KIAA0586: variants seen among roughly 807,000 people sequenced by gnomAD.
KIAA0586 encodes KIAA0586, also known as protein TALPID3.
A neutral mutation model predicts 169.8 loss-of-function variants in KIAA0586; 144 were observed. The ratio of observed to expected loss-of-function variants is 0.85; its 90% CI spans 0.74 to 0.97. The LOEUF (loss-of-function observed/expected upper bound fraction) is 0.97. Among genes scored for constraint, KIAA0586 ranks in the 50% least tolerant of loss-of-function variants. KIAA0586 has a pLI of 0.00. For synonymous variants in KIAA0586, 625 were observed against 612.4 expected (o/e 1.02, Z -0.30); for missense variants, 1,854 against 1,823.0 (o/e 1.02, Z -0.31).
intron 20 of KIAA0586, among the ~76,000 whole-genome samples, chr14:58,479,136 A>G (rs921470358): frequency 2.3e-4 from 35 of 152,230 alleles, no homozygotes; most frequent in African/African-American, 7.7e-4. Flanking sequence ...TTTGCATTCC[A>G]CCCAGCAGTG....
rs757393939 is a variant in KIAA0586 at position 58,492,251 on chromosome 14, C to T, written c.3966C>T (p.Ser1322=). Residue 1322 remains serine (S), a synonymous_variant, in exon 26 of 31, where the codon TCC becomes TCT. Transcript: ENST00000652326. ...FAKQNQESAV[S]QQAVYHSEDL... ...AACAAAACCAGGAGTCAGCAGTTTC[C>T]CAGCAAGCAGTCTATCATTCAGAGG... The T allele has an allele frequency of 3.2e-6, 5 of 1,550,846 alleles. No individual in the cohort carries two copies. Among genetic ancestry groups the T allele is most frequent in the Non-Finnish European group, 4.4e-6 (5 of 1,146,816 alleles).
chr14:58,440,114 C>T (rs1408145049), intron 4 of KIAA0586: 3 of 398,510 alleles, frequency 7.5e-6, no homozygotes, highest in Non-Finnish European at 1.5e-5. Flanking sequence ...AACTCCTGGG[C>T]TCAAGCAGTC....
chr14:58,458,073 T>G (rs2140848279), intron 11 of KIAA0586, 94 bp downstream of exon 11: 1 of 798,774 alleles, frequency 1.3e-6, no homozygotes, highest in East Asian at 2.7e-5. Flanking sequence ...CCTATTAGTT[T>G]TCATATTTTT....
rs1232387802 is a variant in KIAA0586, at chr14:58,498,835, C to T, written c.4043C>T (p.Thr1348Ile). ...ELSEGQRPQL[T>I]AAAENILMGH... The stretch of plus-strand genomic sequence containing the variant: ...AGTGAAGGACAAAGACCCCAGCTAA[C>T]AGCGGCAGCAGAGAACATCTTAATG... Residue 1348 changes from threonine (T) to isoleucine (I), a missense_variant, in exon 27 of 31, where the codon ACA becomes ATA. Physicochemically the swap from Thr to Ile is moderately conservative, Grantham distance 89. Coordinates refer to ENST00000652326, the MANE Select transcript of KIAA0586 (RefSeq NM_001329943.3). 1.9e-6 allele frequency: 3 copies of T among 1,611,604 alleles called. No homozygotes were observed. In the Admixed American group the frequency reaches 5.0e-5, roughly 27 times the overall value.
intron 9 of KIAA0586, among the ~76,000 whole-genome samples, chr14:58,456,469 G>T (rs2039859707): frequency 6.6e-6 from 1 of 152,086 alleles, no homozygotes. Flanking sequence ...CTCCTTTTCT[G>T]CTACATCTAA....
intron 17 of KIAA0586, among the ~76,000 whole-genome samples, chr14:58,471,013 G>A (rs1025722152): frequency 7.2e-5 from 11 of 151,978 alleles, no homozygotes; most frequent in South Asian, 2.1e-4. Flanking sequence ...CACCACGCCC[G>A]GCTAATTTTT....
chr14:58,545,031 G>T (rs1208574202), intron 30 of KIAA0586, among the ~76,000 whole-genome samples: 3 of 152,192 alleles, frequency 2.0e-5, no homozygotes, highest in Non-Finnish European at 4.4e-5. Flanking sequence ...CCTCTACTAG[G>T]TGATGAACTT....
intron 29 of KIAA0586, among the ~76,000 whole-genome samples, chr14:58,529,173 A>T (rs778154221): frequency 6.6e-6 from 1 of 152,220 alleles, no homozygotes; most frequent in Non-Finnish European, 1.5e-5. Flanking sequence ...CGAATCCCTG[A>T]ATAGATCAAT....
At chr14:58,443,919 A>G in intron 5 of KIAA0586, 35 bp from the exon 6 acceptor site, 1 of 1,286,618 alleles carries the variant, frequency 7.8e-7, no homozygotes, top group Non-Finnish European at 1.1e-6. Context: ...GGTATCCTAT[A>G]ATGTGAATTT....
intron 28 of KIAA0586, among the ~76,000 whole-genome samples, chr14:58,511,306 A>G (rs1227973514): frequency 3.3e-5 from 5 of 152,232 alleles, no homozygotes; most frequent in African/African-American, 9.6e-5. Context: ...GCACACATTT[A>G]TAGTGCTAGA....
chr14:58,433,404 G>A (rs967700977), intron 4 of KIAA0586: 4 of 152,014 alleles, frequency 2.6e-5, no homozygotes, highest in African/African-American at 7.3e-5. Flanking sequence ...CCCTTATTTC[G>A]TTTTTCTTAT....
intron 29 of KIAA0586, among the ~76,000 whole-genome samples, chr14:58,533,868 C>T (rs542311946): frequency 1.3e-5 from 2 of 152,208 alleles, no homozygotes; most frequent in East Asian, 3.9e-4. Context: ...ATCTTTAAAG[C>T]TCTTATTTTA....
chr14:58,458,576 T>C, intron 12 of KIAA0586, 31 bp downstream of exon 12: 2 of 1,230,876 alleles, frequency 1.6e-6, no homozygotes, highest in Non-Finnish European at 2.3e-6. Flanking sequence ...GAAAATTAAG[T>C]GAATTCTCAG....
chr14:58,472,744 G>A (rs750659723), intron 18 of KIAA0586, among the ~76,000 whole-genome samples: 3 of 151,190 alleles, frequency 2.0e-5, no homozygotes, highest in South Asian at 2.1e-4. Context: ...AAAAATAGGT[G>A]GAAGTAAATT....
intron 27 of KIAA0586, among the ~76,000 whole-genome samples, chr14:58,506,399 C>T (rs751962366): frequency 2.0e-5 from 3 of 152,112 alleles, no homozygotes; most frequent in Non-Finnish European, 4.4e-5. Context: ...CTCAATGCGG[C>T]TGGACATGGT....
At chr14:58,432,306 A>G in intron 3 of KIAA0586, 82 bp from the exon 4 acceptor site, 1 of 846,790 alleles carries the variant, frequency 1.2e-6, no homozygotes, top group Non-Finnish European at 1.8e-6. Context: ...TCTTTTAGTT[A>G]AAAAAGATTT....
At chr14:58,427,589 G>A (rs1480552474), upstream of KIAA0586, 18 of 1,535,534 alleles carry the variant, frequency 1.2e-5, no homozygotes, top group Middle Eastern at 3.3e-4. Flanking sequence ...ACCCGGAGAG[G>A]AATGGAAGAG....
chr14:58,438,295 G>C (rs182592547), intron 4 of KIAA0586, among the ~76,000 whole-genome samples: 1 of 152,052 alleles, frequency 6.6e-6, no homozygotes, highest in Non-Finnish European at 1.5e-5. Flanking sequence ...AAATTTAAAA[G>C]CCTATAAAGA....
chr14:58,486,907 A>G, intron 21 of KIAA0586, 100 bp from the exon 22 acceptor site: 7 of 923,214 alleles, frequency 7.6e-6, no homozygotes, highest in Non-Finnish European at 9.2e-6. Context: ...CCTGCCATCA[A>G]TTTAAATTAT....
Sources: allele counts gnomAD v4.1 joint callset (sites outside exome capture counted in the v4.1 genomes callset), GRCh38; gene constraint gnomAD v4.1.1; transcripts MANE v1.5; gene names NCBI Gene and HGNC (gene_info 2026-07-23, HGNC 2026-07-21).